Variants in TRAM2 observed in about 807,000 individuals in gnomAD.
TRAM2 encodes the protein translocating chain-associated membrane protein 2.
A neutral mutation model predicts 51.0 loss-of-function variants in TRAM2; 12 were observed. That is an observed-to-expected ratio of 0.24 (90% CI 0.15 to 0.38). The LOEUF (loss-of-function observed/expected upper bound fraction) is 0.38, where lower values mean the gene tolerates loss of function less well. TRAM2 is among the 10% of genes least tolerant of loss of function. TRAM2 has a pLI of 1.00. For missense variants in TRAM2, 361 were observed against 462.0 expected, an observed-to-expected ratio of 0.78 and a Z score of 2.00; for synonymous variants, 175 against 179.4, an observed-to-expected ratio of 0.98 and a Z score of 0.20.
rs5876280 is a variant in TRAM2 at position 52,570,803 on chromosome 6, C to CCCCCCG, written c.120+5992_120+5993insCGGGGG. On this transcript the variant is annotated intron_variant, in intron 1 of 10. Transcript: ENST00000182527. ...AATCCTCCCTGCCCACCACCCCCCC[C>CCCCCCG]CCCACACGCACACACACTCTGCCTC... is the stretch of plus-strand genomic sequence containing the variant. 4.1e-5 allele frequency among the ~76,000 whole-genome samples: 5 copies of CCCCCCG among 122,816 alleles called. No homozygotes were observed. In the East Asian group the frequency reaches 1.6e-3, roughly 40 times the overall value. The allele number at this position is 122,816 out of a possible 152,430, so 80.6% of individuals were successfully genotyped here. A position where few individuals can be genotyped will look rare whatever the true frequency, so the allele number is the denominator to read the frequency against.
chr6:52,548,000 T>C (rs1767241410), intron 1 of TRAM2, among the ~76,000 whole-genome samples: 1 of 152,282 alleles, frequency 6.6e-6, no homozygotes, highest in African/African-American at 2.4e-5. Context: ...GGTGTGTTTG[T>C]GTGCTTATGT....
chr6:52,567,206 C>A (rs1403404096), intron 1 of TRAM2, among the ~76,000 whole-genome samples: 2 of 152,210 alleles, frequency 1.3e-5, no homozygotes, highest in Non-Finnish European at 2.9e-5. Context: ...TATGACACAG[C>A]TGCAGGCTAA....
chr6:52,575,402 G>A (rs1012520953), intron 1 of TRAM2, among the ~76,000 whole-genome samples: 1 of 152,180 alleles, frequency 6.6e-6, no homozygotes, highest in Non-Finnish European at 1.5e-5. Flanking sequence ...AGAGAGAGCT[G>A]TGAGAGGGAG....
At chr6:52,550,240 C>A (rs1250728586) in intron 1 of TRAM2, among the ~76,000 whole-genome samples, 1 of 152,338 alleles carries the variant, frequency 6.6e-6, no homozygotes, top group Non-Finnish European at 1.5e-5. Flanking sequence ...AACCACAGCT[C>A]TCAATGGTAT....
At chr6:52,575,243 T>A (rs534646489) in intron 1 of TRAM2, among the ~76,000 whole-genome samples, 1 of 152,158 alleles carries the variant, frequency 6.6e-6, no homozygotes, top group Non-Finnish European at 1.5e-5. Context: ...ACGTCTTTAA[T>A]GATGGGGAAA....
chr6:52,530,834 G>A (rs1269669808), intron 2 of TRAM2, among the ~76,000 whole-genome samples: 1 of 152,126 alleles, frequency 6.6e-6, no homozygotes, highest in African/African-American at 2.4e-5. Flanking sequence ...CCGGCCCTAG[G>A]AAACTAATAC....
At chr6:52,506,312 G>C (rs1430037712) in intron 7 of TRAM2, among the ~76,000 whole-genome samples, 176 bp from the exon 8 acceptor site, 4 of 152,148 alleles carry the variant, frequency 2.6e-5, no homozygotes, top group African/African-American at 9.7e-5. Flanking sequence ...ACACCTTTAA[G>C]ACATTTTTCC....
At chr6:52,522,930 C>G (rs1185409712) in intron 2 of TRAM2, 1 of 702,502 alleles carries the variant, frequency 1.4e-6, no homozygotes, top group South Asian at 1.5e-5. Flanking sequence ...TTTCCCAGTC[C>G]TGTCTGGATC....
At chr6:52,558,692 T>C (rs1393751666) in intron 1 of TRAM2, among the ~76,000 whole-genome samples, 1 of 152,138 alleles carries the variant, frequency 6.6e-6, no homozygotes, top group African/African-American at 2.4e-5. Flanking sequence ...TTAGGAAGTA[T>C]GGGAGGGTTA....
chr6:52,506,226 C>T (rs1766347805), intron 7 of TRAM2, 90 bp from the exon 8 acceptor site: 3 of 1,205,564 alleles, frequency 2.5e-6, no homozygotes, highest in Admixed American at 3.6e-5. Flanking sequence ...GTCCCCTGTG[C>T]CTGGCTGGGC....
chr6:52,503,610 G>A (rs1011350376), intron 10 of TRAM2, among the ~76,000 whole-genome samples: 4 of 152,242 alleles, frequency 2.6e-5, no homozygotes, highest in Non-Finnish European at 5.9e-5. Context: ...GATACTCGCC[G>A]AAATCACTTA....
intron 2 of TRAM2, among the ~76,000 whole-genome samples, chr6:52,521,622 G>A (rs933718163): frequency 3.3e-5 from 5 of 151,890 alleles, no homozygotes; most frequent in African/African-American, 4.8e-5. Flanking sequence ...GCGTGAACCC[G>A]GGAGGGGAAG....
Position 52,576,909 on chromosome 6 carries a change from A to C in TRAM2, c.7T>G (p.Phe3Val). Residue 3 changes from phenylalanine (F) to valine (V), a missense_variant, in exon 1 of 11, where the codon TTC (phenylalanine) becomes GTC (valine). Physicochemically the swap from Phe to Val is conservative, Grantham distance 50. Transcript: ENST00000182527. ...GGGTAACTTTTCGTCCTCCTGCGGA[A>C]AGCCATGGCAGCGGGCGCGCAGCGG... is the stretch of plus-strand genomic sequence containing the variant. MA[F>V]RRRTKSYPLF... The C allele has an allele frequency of 1.2e-6, 2 of 1,612,094 alleles. No individual in the cohort carries two copies. Among genetic ancestry groups the C allele is most frequent in the Non-Finnish European group, 1.7e-6 (2 of 1,179,182 alleles).
intron 1 of TRAM2, among the ~76,000 whole-genome samples, chr6:52,538,978 T>A (rs1767028048): frequency 6.6e-6 from 1 of 152,218 alleles, no homozygotes; most frequent in African/African-American, 2.4e-5. Flanking sequence ...GTTTTATGTG[T>A]GTTTCTGTTT....
intron 1 of TRAM2, among the ~76,000 whole-genome samples, chr6:52,554,818 G>A (rs1018715700): frequency 4.1e-5 from 6 of 147,864 alleles, no homozygotes; most frequent in African/African-American, 1.3e-4. Context: ...CCAGGCTGGA[G>A]TGCAGTGGGG....
At chr6:52,573,013 T>C (rs886781358) in intron 1 of TRAM2, among the ~76,000 whole-genome samples, 6 of 152,058 alleles carry the variant, frequency 3.9e-5, no homozygotes, top group African/African-American at 7.2e-5. Context: ...AAACCAAACC[T>C]ACAAATGATA....
At chr6:52,542,730 GA>G (rs1459657711) in intron 1 of TRAM2, among the ~76,000 whole-genome samples, 1 of 152,156 alleles carries the variant, frequency 6.6e-6, no homozygotes, top group South Asian at 2.1e-4. Context: ...GTGTATTTAT[GA>G]AAAAAACTCG....
At chr6:52,511,137 CTT>C (rs1192283122) in intron 4 of TRAM2, among the ~76,000 whole-genome samples, 4 of 152,192 alleles carry the variant, frequency 2.6e-5, no homozygotes, top group African/African-American at 9.7e-5. Flanking sequence ...GAGTTTTGCT[CTT>C]GTTGCCCAGG....
At chr6:52,511,779 G>A (rs1337134341) in intron 4 of TRAM2, among the ~76,000 whole-genome samples, 3 of 150,724 alleles carry the variant, frequency 2.0e-5, no homozygotes, top group South Asian at 2.1e-4. Flanking sequence ...TGACTGATAA[G>A]TCCTTTTATC....
Sources: gnomAD v4.1 joint callset for allele counts (sites outside exome capture counted in the v4.1 genomes callset) on GRCh38, gnomAD v4.1.1 for gene constraint, MANE v1.5 for transcripts, NCBI Gene and HGNC (gene_info 2026-07-23, HGNC 2026-07-21) for gene names.